The following RBM19 variants were observed in gnomAD, a reference collection of about 807,000 sequenced individuals.
The protein encoded by RBM19 is RNA binding motif protein 19.
Under a neutral mutation model 116.8 loss-of-function variants are expected in RBM19, and 94 were observed. The observed-to-expected ratio is 0.80, with a 90% CI of 0.68 to 0.95. RBM19 has a LOEUF of 0.95. Among genes scored for constraint, RBM19 ranks in the 40% least tolerant of loss-of-function variants. RBM19 has a pLI of 0.00. For synonymous variants in RBM19, 475 were observed against 494.1 expected (o/e 0.96, Z 0.51); for missense variants, 1,161 against 1,220.7 (o/e 0.95, Z 0.73).
chr12:113,927,291 C>T, intron 16 of RBM19, 62 bp from the exon 17 acceptor site: 1 of 1,504,856 alleles, frequency 6.6e-7, no homozygotes, highest in Non-Finnish European at 8.8e-7. Flanking sequence ...TAATGTCAAA[C>T]CCACCAGAGC....
rs150776545 is a variant in RBM19, at chr12:113,910,756, C to T, written c.2558+4213G>A. Among the ~76,000 whole-genome samples the T allele has an allele frequency of 2.2e-3, 340 of 152,324 alleles. 3 individuals carry two copies. Among genetic ancestry groups the T allele is most frequent in the African/African-American group, 7.7e-3 (319 of 41,584 alleles). On this transcript the variant is annotated intron_variant, in intron 21 of 23. Transcript: ENST00000261741. The stretch of plus-strand genomic sequence containing the variant: ...GTTCACCCCATGTCCCATGCCTCCC[C>T]GATGCCTGTATTAGCCAGCTCTGTT...
At position 113,843,486 on chromosome 12, in the gene RBM19, C is replaced by T. The variant is rs138833105; in HGVS notation, c.2785+1182G>A. ...CCACAGACAGGACTGTTCCCCATCA[C>T]GGAGCCTGGCTTTTCTGGGCATGCA... is the stretch of plus-strand genomic sequence containing the variant. On this transcript the variant is annotated intron_variant, in intron 23 of 23. Coordinates refer to ENST00000261741, the MANE Select transcript of RBM19 (RefSeq NM_016196.4). Among the ~76,000 whole-genome samples, 583 of 152,308 alleles carry T rather than the reference C, an allele frequency of 3.8e-3. 1 individual carries two copies. The highest frequency in any genetic ancestry group is 0.012 in the African/African-American group (507 of 41,574).
chr12:113,942,041 C>A (rs1243783037), intron 14 of RBM19, among the ~76,000 whole-genome samples: 1 of 152,116 alleles, frequency 6.6e-6, no homozygotes, highest in South Asian at 2.1e-4. Context: ...CTCTGGGAAG[C>A]CACTGGGTAG....
intron 13 of RBM19, among the ~76,000 whole-genome samples, chr12:113,943,231 T>C (rs1424237959): frequency 6.6e-6 from 1 of 152,202 alleles, no homozygotes; most frequent in African/African-American, 2.4e-5. Context: ...GTCAGTGTCT[T>C]TTCCCTCATC....
chr12:113,958,731 C>A (rs1872199628), intron 5 of RBM19, among the ~76,000 whole-genome samples: 1 of 152,180 alleles, frequency 6.6e-6, no homozygotes, highest in Non-Finnish European at 1.5e-5. Context: ...TGTTTTCTTG[C>A]CCACCAGGCC....
chr12:113,906,422 T>C (rs1163309541), intron 21 of RBM19, among the ~76,000 whole-genome samples: 2 of 152,070 alleles, frequency 1.3e-5, no homozygotes, highest in Non-Finnish European at 2.9e-5. Context: ...CTAATATATG[T>C]TTTTCGAAGT....
At chr12:113,962,747 T>C (rs1169840974) in intron 1 of RBM19, among the ~76,000 whole-genome samples, 1 of 152,176 alleles carries the variant, frequency 6.6e-6, no homozygotes, top group African/African-American at 2.4e-5. Context: ...TAATAAATAC[T>C]TGTAGGAATA....
rs575280812 is a variant in RBM19, at chr12:113,929,350, A to T, written c.2069-2121T>A. Among the ~76,000 whole-genome samples the T allele has an allele frequency of 7.2e-5, 11 of 152,314 alleles. 1 individual carries two copies. The South Asian group carries it at 2.3e-3, about 32-fold the overall frequency. On this transcript the variant is annotated intron_variant, in intron 16 of 23. Transcript: ENST00000261741. ...CTACCGTGATAATGCTGTCTCTTTA[A>T]CATCAGTTGAACACACTGCCTTCCT...
At chr12:113,824,627 C>A (rs1874703888) in intron 23 of RBM19, among the ~76,000 whole-genome samples, 1 of 152,054 alleles carries the variant, frequency 6.6e-6, no homozygotes, top group Non-Finnish European at 1.5e-5. Flanking sequence ...CTGGAGCTCA[C>A]AGCAGCGGCC....
At chr12:113,873,907 G>A (rs539289743) in intron 21 of RBM19, among the ~76,000 whole-genome samples, 1 of 152,306 alleles carries the variant, frequency 6.6e-6, no homozygotes, top group Admixed American at 6.5e-5. Context: ...CTGTGCCCCA[G>A]AGGGCCAAGA....
intron 21 of RBM19, among the ~76,000 whole-genome samples, chr12:113,871,596 C>T (rs771719538): frequency 3.3e-5 from 5 of 152,224 alleles, no homozygotes; most frequent in Non-Finnish European, 4.4e-5. Context: ...AAACGGACGA[C>T]GGGGACGTAG....
At position 113,937,104 on chromosome 12, in the gene RBM19, A is replaced by G; in HGVS notation, c.1971T>C (p.Ala657=). The part of the protein sequence containing the change: ...FHHVPLYLEW[A]PVGVFSSTAP... ...CTGTGCTGGAGAAGACGCCAACTGG[A>G]GCCCACTCCAGATAGAGGGGGACAT... Residue 657 remains alanine, a synonymous_variant, in exon 16 of 24, where the codon GCT becomes GCC. Coordinates refer to ENST00000261741, the MANE Select transcript of RBM19 (RefSeq NM_016196.4). The G allele has an allele frequency of 1.2e-6, 2 of 1,614,038 alleles. No individual in the cohort carries two copies. The highest frequency in any genetic ancestry group is 1.7e-6 in the Non-Finnish European group (2 of 1,179,950).
chr12:113,866,476 A>G (rs975448479), intron 21 of RBM19, among the ~76,000 whole-genome samples: 35 of 152,196 alleles, frequency 2.3e-4, no homozygotes, highest in African/African-American at 8.4e-4. Context: ...TTTCAGATGG[A>G]ACCCACAGAC....
chr12:113,958,522 T>C (rs1872179725), intron 5 of RBM19, among the ~76,000 whole-genome samples: 1 of 152,168 alleles, frequency 6.6e-6, no homozygotes, highest in Admixed American at 6.5e-5. Flanking sequence ...TCTGTGTCTC[T>C]GCGATGCTGT....
At chr12:113,849,171 C>T (rs753946509) in intron 22 of RBM19, among the ~76,000 whole-genome samples, 2 of 152,208 alleles carry the variant, frequency 1.3e-5, no homozygotes, top group South Asian at 2.1e-4. Context: ...GACACCTGGC[C>T]TCCGTTTCCA....
intron 21 of RBM19, among the ~76,000 whole-genome samples, chr12:113,884,646 C>T (rs1170563901): frequency 6.6e-6 from 1 of 152,226 alleles, no homozygotes; most frequent in Admixed American, 6.5e-5. Flanking sequence ...GTACCATCAC[C>T]CACTGCAGAG....
chr12:113,908,675 A>G (rs1882234787), intron 21 of RBM19, among the ~76,000 whole-genome samples: 1 of 150,174 alleles, frequency 6.7e-6, no homozygotes, highest in African/African-American at 2.5e-5. Flanking sequence ...CTCACCAGAC[A>G]TCCCTGACCC....
At chr12:113,834,053 C>T (rs1414282336) in intron 23 of RBM19, among the ~76,000 whole-genome samples, 3 of 152,138 alleles carry the variant, frequency 2.0e-5, no homozygotes, top group East Asian at 3.8e-4. Context: ...CCATATTTTA[C>T]CCTTTCTAAT....
intron 21 of RBM19, among the ~76,000 whole-genome samples, chr12:113,874,016 A>G (rs1340042351): frequency 6.6e-6 from 1 of 152,242 alleles, no homozygotes; most frequent in Non-Finnish European, 1.5e-5. Context: ...GAAACAGAGA[A>G]CAGCAGCAAG....
Sources: gnomAD v4.1 joint callset for allele counts (sites outside exome capture counted in the v4.1 genomes callset) on GRCh38, gnomAD v4.1.1 for gene constraint, MANE v1.5 for transcripts, NCBI Gene and HGNC (gene_info 2026-07-23, HGNC 2026-07-21) for gene names.